PCSK5: variants seen among roughly 807,000 people sequenced by gnomAD.
PCSK5 encodes the protein prohormone convertase 5.
Under a neutral mutation model 233.2 loss-of-function variants are expected in PCSK5, and 129 were observed. The observed-to-expected ratio is 0.55, with a 90% CI of 0.48 to 0.64. The LOEUF is 0.64. PCSK5 is among the 30% of genes least tolerant of loss of function. The pLI is 0.00. For synonymous variants in PCSK5, 825 were observed against 879.2 expected (o/e 0.94, Z 1.09); for missense variants, 2,076 against 2,430.1 (o/e 0.85, Z 3.06).
At chr9:76,328,543 C>T (rs1829438565) in intron 33 of PCSK5, among the ~76,000 whole-genome samples, 1 of 152,176 alleles carries the variant, frequency 6.6e-6, no homozygotes, top group South Asian at 2.1e-4. Context: ...CTCTCACTCT[C>T]TCAATGTATA....
intron 2 of PCSK5, among the ~76,000 whole-genome samples, chr9:75,968,445 A>C (rs895598491): frequency 6.6e-6 from 1 of 152,248 alleles, no homozygotes; most frequent in Non-Finnish European, 1.5e-5. Context: ...CAGATAAGAA[A>C]AATATAGCCT....
intron 14 of PCSK5, among the ~76,000 whole-genome samples, chr9:76,179,241 T>A (rs1351342244): frequency 6.6e-6 from 1 of 152,206 alleles, no homozygotes; most frequent in Non-Finnish European, 1.5e-5. Context: ...ACAAATCCAA[T>A]CTTTTTACTA....
At chr9:76,184,272 G>A (rs902539258) in intron 16 of PCSK5, among the ~76,000 whole-genome samples, 3 of 151,844 alleles carry the variant, frequency 2.0e-5, no homozygotes, top group Admixed American at 6.6e-5. Flanking sequence ...CCATTCCTTC[G>A]TCTCAGGCAT....
At position 76,343,333 on chromosome 9, in the gene PCSK5, T is replaced by TGTGTGTG. The variant is rs1564191885; in HGVS notation, c.4966+4886_4966+4887insGTGTGTG. The stretch of plus-strand genomic sequence containing the variant: ...GCACACACCACCGCACCTGGGTAAT[T>TGTGTGTG]TGTGTGTGTGTGTGTGTGTGTGTGT... On this transcript the variant is annotated intron_variant, in intron 35 of 37. Coordinates refer to ENST00000674117, the MANE Select transcript of PCSK5 (RefSeq NM_001372043.1). 5.0e-3 allele frequency among the ~76,000 whole-genome samples: 666 copies of TGTGTGTG among 133,902 alleles called. 9 individuals carry two copies. Among genetic ancestry groups the TGTGTGTG allele is most frequent in the Non-Finnish European group, 7.0e-3 (450 of 63,880 alleles). 87.8% of individuals were successfully genotyped at this position (133,902 alleles called of 152,430 possible).
intron 32 of PCSK5, among the ~76,000 whole-genome samples, chr9:76,327,102 ATTTT>A (rs56100078): frequency 1.6e-5 from 2 of 128,200 alleles, no homozygotes; most frequent in Non-Finnish European, 1.6e-5. Flanking sequence ...GCCCATCTCT[ATTTT>A]TTTTTTTTTT....
At chr9:76,051,778 A>G (rs1829638606) in intron 5 of PCSK5, among the ~76,000 whole-genome samples, 1 of 152,188 alleles carries the variant, frequency 6.6e-6, no homozygotes, top group African/African-American at 2.4e-5. Context: ...AGTAAAGGAG[A>G]CAATTTCCCA....
chr9:76,179,104 G>A (rs1823737452), intron 14 of PCSK5, among the ~76,000 whole-genome samples: 1 of 152,196 alleles, frequency 6.6e-6, no homozygotes, highest in South Asian at 2.1e-4. Flanking sequence ...GCCAGGTGCT[G>A]TAATGGTGTT....
chr9:76,180,700 C>G lies in PCSK5; in HGVS notation c.2004-698C>G, dbSNP rs547615807. On this transcript the variant is annotated intron_variant, in intron 15 of 37. Coordinates refer to ENST00000674117, the MANE Select transcript of PCSK5 (RefSeq NM_001372043.1). ...CCATACTCCAGTCCCCCAGACAGAC[C>G]CAGACGTGTTAAGAATTCCTGCTGT... Among the ~76,000 whole-genome samples the G allele has an allele frequency of 2.6e-4, 39 of 152,222 alleles. 1 individual carries two copies. The highest frequency in any genetic ancestry group is 2.3e-3 in the Admixed American group (35 of 15,272).
chr9:75,930,587 G>A (rs1438459766), intron 1 of PCSK5, among the ~76,000 whole-genome samples: 5 of 152,158 alleles, frequency 3.3e-5, no homozygotes, highest in Non-Finnish European at 5.9e-5. Flanking sequence ...ATCCACTAAA[G>A]GATTTTAGGC....
intron 20 of PCSK5, among the ~76,000 whole-genome samples, chr9:76,227,036 AC>A (rs1469517534): frequency 1.3e-5 from 2 of 152,136 alleles, no homozygotes; most frequent in African/African-American, 2.4e-5. Context: ...CCCATTCTTG[AC>A]CAGTAACCAT....
intron 13 of PCSK5, 107 bp from the exon 14 acceptor site, chr9:76,174,879 C>A: frequency 1.1e-6 from 1 of 936,216 alleles, no homozygotes; most frequent in Non-Finnish European, 1.6e-6. Flanking sequence ...TATCCATCTG[C>A]CTCCCACAGT....
At position 75,901,154 on chromosome 9, in the gene PCSK5, A is replaced by G. The variant is rs544473020; in HGVS notation, c.192+9781A>G. ...TAAAAGGATTATAAATCATTCTATC[A>G]TAAAGACACATGAACACGTATGTTT... On this transcript the variant is annotated intron_variant, in intron 1 of 37. Coordinates refer to ENST00000674117, the MANE Select transcript of PCSK5 (RefSeq NM_001372043.1). Among the ~76,000 whole-genome samples, 4 of 152,328 alleles carry G rather than the reference A, an allele frequency of 2.6e-5. No individual in the cohort carries two copies. The South Asian group carries it at 8.3e-4, about 32-fold the overall frequency.
chr9:76,092,765 G>A (rs1587616473), intron 7 of PCSK5, among the ~76,000 whole-genome samples: 1 of 152,144 alleles, frequency 6.6e-6, no homozygotes, highest in East Asian at 1.9e-4. Context: ...CGCATAGAAG[G>A]TTTTTTAGAA....
At chr9:75,942,543 A>G (rs974659323) in intron 2 of PCSK5, among the ~76,000 whole-genome samples, 2 of 152,224 alleles carry the variant, frequency 1.3e-5, no homozygotes, top group Admixed American at 6.5e-5. Flanking sequence ...CAGGCAAAAC[A>G]TAACAGGCTC....
chr9:75,984,599 C>T (rs1045408391), intron 2 of PCSK5, among the ~76,000 whole-genome samples: 3 of 152,170 alleles, frequency 2.0e-5, no homozygotes, highest in Non-Finnish European at 4.4e-5. Flanking sequence ...CTAAGTAATA[C>T]AGTGATAGGG....
rs71372035 is a variant in PCSK5 at position 75,965,261 on chromosome 9, ATGTGTGTG to A, written c.298-20848_298-20841del. 3.6e-3 allele frequency among the ~76,000 whole-genome samples: 533 copies of A among 149,622 alleles called. 2 individuals are homozygous for A. Among genetic ancestry groups the A allele is most frequent in the Non-Finnish European group, 5.0e-3 (339 of 67,364 alleles). On this transcript the variant is annotated intron_variant, in intron 2 of 37. Coordinates refer to ENST00000674117, the MANE Select transcript of PCSK5 (RefSeq NM_001372043.1). ...ATCCTATATATGTGTATGTGTGTAT[ATGTGTGTG>A]TGTGTGTGTGTGTGTGTGTGTGGAG...
intron 24 of PCSK5, among the ~76,000 whole-genome samples, chr9:76,276,518 C>T (rs762381621): frequency 6.6e-6 from 1 of 152,232 alleles, no homozygotes; most frequent in Non-Finnish European, 1.5e-5. Flanking sequence ...CTCCCTTTCT[C>T]TCCATCTCTT....
intron 24 of PCSK5, among the ~76,000 whole-genome samples, chr9:76,269,158 T>C (rs1384021579): frequency 3.3e-5 from 5 of 152,246 alleles, no homozygotes; most frequent in African/African-American, 1.2e-4. Context: ...TAATTCAGAC[T>C]TTTATGAAAA....
At chr9:75,907,874 G>A (rs62559219) in intron 1 of PCSK5, among the ~76,000 whole-genome samples, 14,632 of 152,220 alleles carry the variant, frequency 0.096, 988 homozygotes, top group African/African-American at 0.19. Flanking sequence ...GGTTTGGTGC[G>A]CGTGAAAGGT....
Sources: gnomAD v4.1 joint callset for allele counts (sites outside exome capture counted in the v4.1 genomes callset) on GRCh38, gnomAD v4.1.1 for gene constraint, MANE v1.5 for transcripts, NCBI Gene and HGNC (gene_info 2026-07-23, HGNC 2026-07-21) for gene names.